ATP2C1: variants seen among roughly 807,000 people sequenced by gnomAD.
ATP2C1 encodes ATPase secretory pathway Ca2+ transporting 1.
ATP2C1 carries 31 observed loss-of-function variants against 120.5 expected under a neutral mutation model. That is an observed-to-expected ratio of 0.26 (90% CI 0.19 to 0.35). The LOEUF (loss-of-function observed/expected upper bound fraction) is 0.35, where lower values mean the gene tolerates loss of function less well. Among genes scored for constraint, ATP2C1 ranks in the 10% least tolerant of loss-of-function variants. The pLI is 1.00. For missense variants in ATP2C1, 731 were observed against 1,107.5 expected (o/e 0.66, Z 4.83); for synonymous variants, 351 against 358.7 (o/e 0.98, Z 0.24).
chr3:130,940,527 T>C, intron 6 of ATP2C1, 103 bp from the exon 7 acceptor site: 1 of 798,910 alleles, frequency 1.3e-6, no homozygotes, highest in Non-Finnish European at 2.1e-6. Flanking sequence ...AAGGAAAAGA[T>C]GAGAATTGGG....
intron 1 of ATP2C1, among the ~76,000 whole-genome samples, chr3:130,885,347 T>C (rs953038966): frequency 2.0e-5 from 3 of 152,188 alleles, no homozygotes; most frequent in African/African-American, 7.2e-5. Context: ...AATGTTATTA[T>C]TGATAAGTAG....
intron 2 of ATP2C1, among the ~76,000 whole-genome samples, chr3:130,926,334 C>T (rs1433030335): frequency 6.6e-6 from 1 of 152,120 alleles, no homozygotes; most frequent in Non-Finnish European, 1.5e-5. Flanking sequence ...AAAGTTCAGG[C>T]ATGGAACGAG....
chr3:130,885,922 G>A (rs1179583207), intron 1 of ATP2C1, among the ~76,000 whole-genome samples: 1 of 152,124 alleles, frequency 6.6e-6, no homozygotes, highest in African/African-American at 2.4e-5. Flanking sequence ...CACGTCATGA[G>A]GGTTTGTTGT....
At chr3:130,924,741 C>T (rs990194464) in intron 2 of ATP2C1, among the ~76,000 whole-genome samples, 2 of 152,158 alleles carry the variant, frequency 1.3e-5, no homozygotes, top group Non-Finnish European at 2.9e-5. Context: ...TAGACCCAGC[C>T]TTCACGGATG....
intron 20 of ATP2C1, among the ~76,000 whole-genome samples, chr3:130,992,174 A>AC (rs2062385773): frequency 1.3e-5 from 2 of 152,172 alleles, no homozygotes; most frequent in Non-Finnish European, 2.9e-5. Flanking sequence ...AGAATAGCGG[A>AC]TACCGTGTTC....
chr3:130,979,062 G>A, intron 18 of ATP2C1, among the ~76,000 whole-genome samples, 187 bp from the exon 19 acceptor site: 1 of 152,092 alleles, frequency 6.6e-6, no homozygotes, highest in East Asian at 1.9e-4. Context: ...AGCTTAAAGG[G>A]ACCCCTTATC....
At chr3:130,850,641 G>A in exon 1 of ATP2C1, 1 of 425,378 alleles carries the variant, frequency 2.4e-6, no homozygotes, top group Non-Finnish European at 4.2e-6. Context: ...TTGGCTGTCT[G>A]GTTTCACCAG....
chr3:130,919,226 CT>C (rs199758815), intron 2 of ATP2C1: 1 of 160,426 alleles, frequency 6.2e-6, no homozygotes, highest in Admixed American at 6.7e-5. Context: ...TTCTTTCTTT[CT>C]TTCTTTTTTT....
intron 17 of ATP2C1, among the ~76,000 whole-genome samples, chr3:130,971,161 C>T (rs1393516889): frequency 2.6e-5 from 4 of 152,274 alleles, no homozygotes; most frequent in East Asian, 3.9e-4. Flanking sequence ...TATTTCATTA[C>T]ATTTTGTAAA....
At chr3:130,885,759 A>G (rs2068953692) in intron 1 of ATP2C1, among the ~76,000 whole-genome samples, 1 of 152,158 alleles carries the variant, frequency 6.6e-6, no homozygotes, top group South Asian at 2.1e-4. Flanking sequence ...TGAGTACTCT[A>G]CATGCCACAA....
intron 5 of ATP2C1, among the ~76,000 whole-genome samples, chr3:130,937,081 T>C (rs1435849544): frequency 6.6e-6 from 1 of 152,208 alleles, no homozygotes; most frequent in Admixed American, 6.5e-5. Flanking sequence ...GGTTTAAAAT[T>C]TTTTACATGA....
chr3:130,895,618 C>G (rs1040665579), intron 2 of ATP2C1, among the ~76,000 whole-genome samples: 2 of 151,968 alleles, frequency 1.3e-5, no homozygotes, highest in Non-Finnish European at 2.9e-5. Flanking sequence ...ATAAAAGATA[C>G]TTAACAAATG....
intron 12 of ATP2C1, chr3:130,962,928 T>G (rs990132887): frequency 6.6e-6 from 1 of 151,738 alleles, no homozygotes; most frequent in African/African-American, 2.4e-5. Context: ...AAAAGTCAAT[T>G]ACGGTTATAG....
chr3:130,980,469 G>C (rs1209925198), intron 19 of ATP2C1, 113 bp from the exon 20 acceptor site: 1 of 736,658 alleles, frequency 1.4e-6, no homozygotes, highest in Non-Finnish European at 2.5e-6. Context: ...TTGTATTACT[G>C]GTAGGTAACA....
At chr3:130,980,740 C>T in intron 20 of ATP2C1, 61 bp downstream of exon 20, 1 of 1,208,476 alleles carries the variant, frequency 8.3e-7, no homozygotes, top group Non-Finnish European at 1.2e-6. Context: ...ACCATTTCTA[C>T]TACTATCTTA....
At chr3:130,973,361 T>G (rs928448010) in intron 17 of ATP2C1, among the ~76,000 whole-genome samples, 2 of 152,112 alleles carry the variant, frequency 1.3e-5, no homozygotes, top group Non-Finnish European at 2.9e-5. Flanking sequence ...CTAGAGAGCT[T>G]TAAGCAAAGG....
intron 17 of ATP2C1, among the ~76,000 whole-genome samples, chr3:130,969,618 TG>T (rs1376220145): frequency 3.3e-5 from 5 of 152,246 alleles, no homozygotes; most frequent in African/African-American, 7.2e-5. Context: ...TGCTGCTGTG[TG>T]AGCAAACAGC....
At chr3:130,992,124 C>T (rs1009966091) in intron 20 of ATP2C1, among the ~76,000 whole-genome samples, 9 of 152,298 alleles carry the variant, frequency 5.9e-5, no homozygotes, top group Admixed American at 3.9e-4. Flanking sequence ...TAGTGAGTTA[C>T]AGTCTCATCT....
intron 1 of ATP2C1, among the ~76,000 whole-genome samples, chr3:130,863,887 C>G (rs1404318463): frequency 2.0e-5 from 3 of 152,190 alleles, no homozygotes; most frequent in Non-Finnish European, 2.9e-5. Context: ...AATTAAACCT[C>G]TTTTGCTTCC....
Sources: gnomAD v4.1 joint callset for allele counts (sites outside exome capture counted in the v4.1 genomes callset) on GRCh38, gnomAD v4.1.1 for gene constraint, MANE v1.5 for transcripts, NCBI Gene and HGNC (gene_info 2026-07-23, HGNC 2026-07-21) for gene names.